Variants in TTBK1 observed in about 807,000 individuals in gnomAD.
TTBK1 encodes the protein tau tubulin kinase 1.
A neutral mutation model predicts 108.5 loss-of-function variants in TTBK1; 34 were observed. That is an observed-to-expected ratio of 0.31 (90% confidence interval 0.24 to 0.42). The LOEUF is 0.42. TTBK1 is among the 10% of genes least tolerant of loss of function. The pLI is 1.00. For missense variants in TTBK1, 1,539 were observed against 1,826.0 expected (o/e 0.84, Z 2.86); for synonymous variants, 809 against 795.1 (o/e 1.02, Z -0.29).
intron 13 of TTBK1, among the ~76,000 whole-genome samples, chr6:43,274,825 G>A (rs904459328): frequency 1.2e-4 from 19 of 152,110 alleles, no homozygotes; most frequent in African/African-American, 4.1e-4. Flanking sequence ...CATCCAGTGG[G>A]CGTCCCAGCC....
At position 43,259,186 on chromosome 6, in the gene TTBK1, G is replaced by T. The variant is rs578117163; in HGVS notation, c.1165G>T (p.Val389Phe). The change falls in exon 11 of 15, where the codon GTC (valine) becomes TTC (phenylalanine). Residue 389 changes from valine (V) to phenylalanine (F), a missense_variant. Val to Phe is a conservative substitution (Grantham distance 50, BLOSUM62 -1). Around this residue, in one of 5 missense-constraint regions of TTBK1, gnomAD observed 277 missense variants for 332.4 expected, o/e 0.83. Coordinates refer to ENST00000259750, the MANE Select transcript of TTBK1 (RefSeq NM_032538.3). This position sits in a 1 kb window ranked among gnomAD's most constrained non-coding sequence, Gnocchi z 6.7. ...SEGLGPSPHLVPHPGGPEAEV... is the reference protein window; with the variant it reads ...SEGLGPSPHLFPHPGGPEAEV... ...GGGGCTGGGCCCCAGTCCCCACCTT[G>T]TCCCCCACCCCGGGGGTCCTGAGGC... The T allele has an allele frequency of 2.5e-6, 4 of 1,609,306 alleles. No individual in the cohort carries two copies. In the South Asian group the frequency reaches 4.4e-5, roughly 18 times the overall value.
Position 43,283,043 on chromosome 6 carries a change from A to G in TTBK1, c.2303A>G (p.Glu768Gly), listed in dbSNP as rs1778226819. 6.3e-7 allele frequency: 1 copy of G among 1,589,624 alleles called. No individual in the cohort carries two copies. The highest frequency in any genetic ancestry group is 8.6e-7 in the Non-Finnish European group (1 of 1,167,868). ...GAGGAAGAAGAGGAGGAGGAGGAAGAGGAGGAGGAGGCTGCAGCGGCAGTT... is the reference window on the plus strand; with the variant it reads ...GAGGAAGAAGAGGAGGAGGAGGAAGGGGAGGAGGAGGCTGCAGCGGCAGTT... ...EEEEEEEEEE[E>G]EEEAAAAVAL... The change falls in exon 14 of 15, where the codon GAG (glutamate) becomes GGG (glycine). Residue 768 changes from glutamate (E) to glycine (G), a missense_variant. By Grantham distance (98) the Glu-to-Gly change is moderately conservative (BLOSUM62 -2). Transcript: ENST00000259750. This position sits in a 1 kb window ranked among gnomAD's most constrained non-coding sequence, Gnocchi z 8.1.
At chr6:43,249,639 A>G (rs2150682156) in intron 2 of TTBK1, among the ~76,000 whole-genome samples, 1 of 151,674 alleles carries the variant, frequency 6.6e-6, no homozygotes, top group South Asian at 2.1e-4. Context: ...TGCAGTGATG[A>G]GATCTCGGCT....
At chr6:43,248,772 C>T (rs1045126362) in intron 2 of TTBK1, among the ~76,000 whole-genome samples, 12 of 152,108 alleles carry the variant, frequency 7.9e-5, no homozygotes, top group African/African-American at 2.9e-4. Context: ...GCAGGAGGAT[C>T]GCTTGAGCCC....
At position 43,285,467 on chromosome 6, in the gene TTBK1, C is replaced by G. The variant is rs2150719473; in HGVS notation, c.*91C>G. 8.2e-7 allele frequency: 1 copy of G among 1,220,602 alleles called. No individual in the cohort carries two copies. The highest frequency in any genetic ancestry group is 3.2e-5 in the East Asian group (1 of 30,876). 75.6% of individuals were successfully genotyped at this position (1,220,602 alleles called of 1,614,324 possible). A position where few individuals can be genotyped will look rare whatever the true frequency, so the allele number is the denominator to read the frequency against. On this transcript the variant is annotated 3_prime_UTR_variant, in exon 15 of 15. Coordinates refer to ENST00000259750, the MANE Select transcript of TTBK1 (RefSeq NM_032538.3). The surrounding 1 kb of genome is among the most constrained non-coding windows in gnomAD (Gnocchi z 4.7). Reference sequence around the variant, plus strand: ...TGGAGCAGCTCCCAGCACAGCCTTACGCGCCCGACGCGCGCCACCCGCGGC... The same window carrying G: ...TGGAGCAGCTCCCAGCACAGCCTTAGGCGCCCGACGCGCGCCACCCGCGGC...
intron 13 of TTBK1, among the ~76,000 whole-genome samples, chr6:43,264,682 C>T (rs1056641646): frequency 6.6e-6 from 1 of 151,998 alleles, no homozygotes; most frequent in Admixed American, 6.5e-5. Context: ...AGAAGGTCCT[C>T]GAAATCAGGG....
intron 2 of TTBK1, among the ~76,000 whole-genome samples, chr6:43,250,379 G>A (rs1222434395): frequency 3.1e-5 from 4 of 127,872 alleles, no homozygotes; most frequent in Middle Eastern, 4.7e-3. Context: ...TTTTTAAGAC[G>A]GAGTTTCTCT....
Position 43,271,761 on chromosome 6 carries a change from CTATTTATTTATTTATT to C in TTBK1, c.1986+8429_1986+8444del. ...TTCCCCAAAATCTTTCTTTGTAAGT[CTATTTATTTATTTATT>C]TATTTATTTATTTATTTTTGAGGAT... On this transcript the variant is annotated intron_variant, in intron 13 of 14. Transcript: ENST00000259750. 4.2e-6 allele frequency: 4 copies of C among 955,330 alleles called. 1 individual carries two copies. In the Middle Eastern group the frequency reaches 1.6e-3, roughly 389 times the overall value. 59.2% of individuals were successfully genotyped at this position (955,330 alleles called of 1,614,324 possible).
chr6:43,260,348 G>A (rs1246665569), intron 12 of TTBK1, among the ~76,000 whole-genome samples: 1 of 152,198 alleles, frequency 6.6e-6, no homozygotes, highest in African/African-American at 2.4e-5. Context: ...ACAACATCAG[G>A]TGGGGAGGCC....
chr6:43,259,082 A>G lies in TTBK1; in HGVS notation c.1061A>G (p.Asn354Ser). Residue 354 changes from asparagine to serine, a missense_variant, in exon 11 of 15, where the codon AAC becomes AGC. By Grantham distance (46) the Asn-to-Ser change is conservative. Transcript: ENST00000259750. This position sits in a 1 kb window ranked among gnomAD's most constrained non-coding sequence, Gnocchi z 6.7. ...TPVPGDLLRE[N>S]TEDVLQGEHL... ...GTGCCTGGGGACCTGCTCCGGGAGA[A>G]CACCGAGGATGTGCTACAGGGAGAG... 1 of 1,613,974 alleles carries G rather than the reference A, an allele frequency of 6.2e-7. No homozygotes were observed. The highest frequency in any genetic ancestry group is 8.5e-7 in the Non-Finnish European group (1 of 1,179,946).
chr6:43,255,895 A>T, intron 9 of TTBK1, 39 bp downstream of exon 9: 1 of 1,611,638 alleles, frequency 6.2e-7, no homozygotes, highest in Non-Finnish European at 8.5e-7. Flanking sequence ...CCTCGACACC[A>T]CTCTGTGAGT....
chr6:43,261,924 T>C (rs946735118), intron 12 of TTBK1, among the ~76,000 whole-genome samples: 4 of 152,184 alleles, frequency 2.6e-5, no homozygotes, highest in South Asian at 2.1e-4. Flanking sequence ...TCACAGTCTC[T>C]TGGGGAGACA....
chr6:43,258,996 C>A (rs776504451), intron 10 of TTBK1, 42 bp from the exon 11 acceptor site: 31 of 1,499,820 alleles, frequency 2.1e-5, no homozygotes, highest in Non-Finnish European at 2.5e-5. Flanking sequence ...GGAGAGGGCA[C>A]CCCTGCCAGC....
Position 43,253,678 on chromosome 6 carries a change from T to C in TTBK1, c.441T>C (p.Ser147=). The C allele has an allele frequency of 6.2e-7, 1 of 1,613,612 alleles. No homozygotes were observed. Among genetic ancestry groups the C allele is most frequent in the Non-Finnish European group, 8.5e-7 (1 of 1,179,822 alleles). ...QILESIEAIH[S]VGFLHRDIKP... is the part of the protein sequence containing the mutation. ...TGGAGTCCATCGAGGCCATCCACTC[T>C]GTGGGCTTCCTGCACCGTGACATCA... The change falls in exon 5 of 15, where the codon TCT becomes TCC. Residue 147 remains serine (S), a synonymous_variant. Coordinates refer to ENST00000259750, the MANE Select transcript of TTBK1 (RefSeq NM_032538.3). This position sits in a 1 kb window ranked among gnomAD's most constrained non-coding sequence, Gnocchi z 5.8.
At chr6:43,271,204 A>G in intron 13 of TTBK1, 1 of 985,460 alleles carries the variant, frequency 1.0e-6, no homozygotes, top group Non-Finnish European at 1.2e-6. Flanking sequence ...AGGAGGCCCA[A>G]AGATTTGCAA....
At position 43,286,600 on chromosome 6, in the gene TTBK1, G is replaced by A. The variant is rs1778389196; in HGVS notation, c.*1224G>A. The A allele has an allele frequency of 6.6e-6, 1 of 152,396 alleles. No homozygotes were observed. Among genetic ancestry groups the A allele is most frequent in the Admixed American group, 6.5e-5 (1 of 15,284 alleles). The allele number at this position is 152,396 out of a possible 1,614,324, so 9.4% of individuals were successfully genotyped here. A position where few individuals can be genotyped will look rare whatever the true frequency, so the allele number is the denominator to read the frequency against. Reference sequence around the variant, plus strand: ...GAAAGGCCCTTCTAACTTCCAGATTGTATGCTTGAGTGATGGGTCCCCAGC... The same window carrying A: ...GAAAGGCCCTTCTAACTTCCAGATTATATGCTTGAGTGATGGGTCCCCAGC... On this transcript the variant is annotated 3_prime_UTR_variant, in exon 15 of 15. Coordinates refer to ENST00000259750, the MANE Select transcript of TTBK1 (RefSeq NM_032538.3). This position sits in a 1 kb window ranked among gnomAD's most constrained non-coding sequence, Gnocchi z 4.6.
At position 43,253,743 on chromosome 6, in the gene TTBK1, C is replaced by G; in HGVS notation, c.471+35C>G. ...GCCCCCACACGCCTCTCTGTTCCCT[C>G]CTCCAGAACACACCCCTAATTCTTT... On this transcript the variant is annotated intron_variant, in intron 5 of 14. Transcript: ENST00000259750. This position sits in a 1 kb window ranked among gnomAD's most constrained non-coding sequence, Gnocchi z 5.8. 6.3e-7 allele frequency: 1 copy of G among 1,588,304 alleles called. No homozygotes were observed. The highest frequency in any genetic ancestry group is 8.6e-7 in the Non-Finnish European group (1 of 1,166,374).
chr6:43,271,528 C>T (rs374803989), intron 13 of TTBK1: 1 of 985,198 alleles, frequency 1.0e-6, no homozygotes, highest in East Asian at 1.1e-4. Flanking sequence ...ACTCTTCTAC[C>T]CCTCTCTCCC....
chr6:43,260,178 G>A (rs1456145134), intron 12 of TTBK1, among the ~76,000 whole-genome samples: 1 of 152,180 alleles, frequency 6.6e-6, no homozygotes, highest in Non-Finnish European at 1.5e-5. Flanking sequence ...AGAGGGGAGG[G>A]GACCAGCGGG....
Sources: gnomAD v4.1 joint callset for allele counts (sites outside exome capture counted in the v4.1 genomes callset) on GRCh38, gnomAD v4.1.1 for gene constraint, gnomAD v4.1.1 regional missense constraint, Gnocchi (gnomAD v3.1) non-coding constraint, MANE v1.5 for transcripts, NCBI Gene and HGNC (gene_info 2026-07-23, HGNC 2026-07-21) for gene names.